BTBD3: variants seen among roughly 807,000 people sequenced by gnomAD.
BTBD3 encodes BTB/POZ domain-containing protein 3.
A neutral mutation model predicts 41.6 loss-of-function variants in BTBD3; 14 were observed. The ratio of observed to expected loss-of-function variants is 0.34; its 90% CI spans 0.22 to 0.53. The LOEUF is 0.53. BTBD3 is among the 20% of genes least tolerant of loss of function. BTBD3 has a pLI of 0.95. For synonymous variants in BTBD3, 249 were observed against 233.7 expected (o/e 1.07, Z -0.60); for missense variants, 426 against 654.7 (o/e 0.65, Z 3.81).
Position 11,918,591 on chromosome 20 carries a change from A to G in BTBD3, c.316A>G (p.Ile106Val). The change falls in exon 1 of 4, where the codon ATT becomes GTT. Residue 106 changes from isoleucine to valine, a missense_variant. By Grantham distance (29) the Ile-to-Val change is conservative. This residue lies in a region of BTBD3 where 321 missense variants were observed against 534.8 expected (regional missense o/e 0.60). Transcript: ENST00000378226. ...AAACTGGCAGGGTCTTTATCCCACCATTAGAGAGAGGTAAGTGCCGCGCTA... is the reference window on the plus strand; with the variant it reads ...AAACTGGCAGGGTCTTTATCCCACCGTTAGAGAGAGGTAAGTGCCGCGCTA... ...APNWQGLYPT[I>V]RERNAMMFNN... The G allele has an allele frequency of 1.3e-6, 2 of 1,595,994 alleles. No homozygotes were observed. Among genetic ancestry groups the G allele is most frequent in the Non-Finnish European group, 8.5e-7 (1 of 1,173,486 alleles).
Position 11,904,942 on chromosome 20 carries a change from T to C in BTBD3, c.-125-13392T>C, listed in dbSNP as rs150423867. Among the ~76,000 whole-genome samples the C allele has an allele frequency of 1.6e-3, 239 of 152,366 alleles. 1 individual carries two copies. The highest frequency in any genetic ancestry group is 0.01 in the Middle Eastern group (3 of 294). On this transcript the variant is annotated intron_variant, in intron 1 of 4. Coordinates refer to the BTBD3 transcript ENST00000254977. The stretch of plus-strand genomic sequence containing the variant: ...TCTTTTACCAATGCATGATTTTGTA[T>C]TGTAATTGCATTCTTATTAGAAAAG...
chr20:11,923,258 A>G lies in BTBD3; in HGVS notation c.1161A>G (p.Gln387=), dbSNP rs201543769. The part of the protein sequence containing the change: ...RFQSCAYRSN[Q]WRYRGRCDSI... The stretch of plus-strand genomic sequence containing the variant: ...AGTCGTGTGCCTATCGAAGCAACCA[A>G]TGGCGCTATCGTGGTCGCTGTGACA... The change falls in exon 4 of 4, where the codon CAA becomes CAG. Residue 387 remains glutamine, a synonymous_variant. Coordinates refer to ENST00000378226, the MANE Select transcript of BTBD3 (RefSeq NM_014962.4). The surrounding 1 kb of genome is among the most constrained non-coding windows in gnomAD (Gnocchi z 5.3). The G allele has an allele frequency of 1.2e-4, 199 of 1,614,202 alleles. No individual in the cohort carries two copies. Among genetic ancestry groups the G allele is most frequent in the Non-Finnish European group, 1.5e-4 (177 of 1,180,026 alleles).
intron 1 of BTBD3, among the ~76,000 whole-genome samples, chr20:11,899,299 G>GT: frequency 6.6e-6 from 1 of 152,182 alleles, no homozygotes; most frequent in Admixed American, 6.5e-5. Flanking sequence ...TTTACCTTCT[G>GT]TTTTCCAGAC....
At chr20:11,899,436 C>T (rs906529150) in intron 1 of BTBD3, among the ~76,000 whole-genome samples, 8 of 152,100 alleles carry the variant, frequency 5.3e-5, no homozygotes, top group African/African-American at 1.4e-4. Flanking sequence ...CCCCTCTAGT[C>T]GTCACACAAA....
chr20:11,910,769 A>G (rs1451897172), intron 1 of BTBD3, among the ~76,000 whole-genome samples: 1 of 152,164 alleles, frequency 6.6e-6, no homozygotes, highest in Non-Finnish European at 1.5e-5. Flanking sequence ...TTTATGTACA[A>G]TTGTGTGGCA....
At position 11,918,290 on chromosome 20, in the gene BTBD3, G is replaced by A; in HGVS notation, c.15G>A (p.Lys5=). 6.3e-7 allele frequency: 1 copy of A among 1,589,432 alleles called. No individual in the cohort carries two copies. The highest frequency in any genetic ancestry group is 8.5e-7 in the Non-Finnish European group (1 of 1,171,162). The change falls in exon 1 of 4, where the codon AAG becomes AAA. Residue 5 remains lysine (K), a synonymous_variant. Coordinates refer to ENST00000378226, the MANE Select transcript of BTBD3 (RefSeq NM_014962.4). ...ACACTGTACTCATGGTAGATGACAA[G>A]GAAAAGAACATGAAATGTCTCACCT... is the stretch of plus-strand genomic sequence containing the variant. MVDD[K]EKNMKCLTFF...
At chr20:11,899,875 T>A (rs945524383) in intron 1 of BTBD3, among the ~76,000 whole-genome samples, 12 of 152,216 alleles carry the variant, frequency 7.9e-5, no homozygotes, top group African/African-American at 2.9e-4. Context: ...TTTATGCAAC[T>A]GAAGAATACA....
chr20:11,901,460 G>C (rs2056823361), intron 1 of BTBD3, among the ~76,000 whole-genome samples: 1 of 152,208 alleles, frequency 6.6e-6, no homozygotes, highest in Non-Finnish European at 1.5e-5. Flanking sequence ...TGCAGTCGCA[G>C]TCAGTCTCTC....
At position 11,923,279 on chromosome 20, in the gene BTBD3, T is replaced by C. The variant is rs2122338525; in HGVS notation, c.1182T>C (p.Cys394=). 1 of 1,614,244 alleles carries C rather than the reference T, an allele frequency of 6.2e-7. No homozygotes were observed. The highest frequency in any genetic ancestry group is 1.3e-5 in the African/African-American group (1 of 75,066). ...RSNQWRYRGR[C]DSIQFAVDKR... ...ACCAATGGCGCTATCGTGGTCGCTGTGACAGCATCCAGTTTGCAGTTGATA... is the reference window on the plus strand; with the variant it reads ...ACCAATGGCGCTATCGTGGTCGCTGCGACAGCATCCAGTTTGCAGTTGATA... Residue 394 remains cysteine (C), a synonymous_variant, in exon 4 of 4, where the codon TGT becomes TGC. Coordinates refer to ENST00000378226, the MANE Select transcript of BTBD3 (RefSeq NM_014962.4). This position sits in a 1 kb window ranked among gnomAD's most constrained non-coding sequence, Gnocchi z 5.3.
In BTBD3 at chr20:11,925,773, T is replaced by C. The variant is rs1158623447; in HGVS notation, c.*2107T>C. 1.3e-5 allele frequency: 2 copies of C among 152,594 alleles called. No individual in the cohort carries two copies. Among genetic ancestry groups the C allele is most frequent in the African/African-American group, 2.4e-5 (1 of 41,428 alleles). 9.5% of individuals were successfully genotyped at this position (152,594 alleles called of 1,614,324 possible). ...CATCCTATCAGATTGTTGAGGTGGG[T>C]GTGATAGTCTTCAGGTGCAGTGCGT... is the stretch of plus-strand genomic sequence containing the variant. On this transcript the variant is annotated 3_prime_UTR_variant, in exon 4 of 4. Coordinates refer to ENST00000378226, the MANE Select transcript of BTBD3 (RefSeq NM_014962.4).
chr20:11,917,874 A>ACTCTCCT (rs1164408060), upstream of BTBD3: 4 of 986,822 alleles, frequency 4.1e-6, no homozygotes, highest in Admixed American at 1.1e-4. Flanking sequence ...TGTAATACCT[A>ACTCTCCT]CTCTCCTCCG....
chr20:11,902,164 C>T (rs1339257866), intron 1 of BTBD3, among the ~76,000 whole-genome samples: 2 of 151,494 alleles, frequency 1.3e-5, no homozygotes, highest in African/African-American at 2.4e-5. Context: ...AGTCAGTAAA[C>T]GCATATTTTG....
chr20:11,894,490 C>A (rs2056774452), intron 1 of BTBD3, among the ~76,000 whole-genome samples: 2 of 151,946 alleles, frequency 1.3e-5, no homozygotes, highest in Admixed American at 1.3e-4. Flanking sequence ...TTTTTGGTAG[C>A]TATTGAAATT....
chr20:11,911,694 G>C (rs2056890531), intron 1 of BTBD3, among the ~76,000 whole-genome samples: 1 of 152,236 alleles, frequency 6.6e-6, no homozygotes, highest in East Asian at 1.9e-4. Context: ...TCTAGAGTAT[G>C]TAAAACTTAG....
chr20:11,893,767 T>G (rs1410361704), intron 1 of BTBD3, among the ~76,000 whole-genome samples: 1 of 152,186 alleles, frequency 6.6e-6, no homozygotes, highest in African/African-American at 2.4e-5. Context: ...CGTCATATCA[T>G]CTAAAAAGAA....
chr20:11,918,222 T>G lies in BTBD3; in HGVS notation c.-54T>G. On this transcript the variant is annotated 5_prime_UTR_variant, in exon 1 of 4. Coordinates refer to ENST00000378226, the MANE Select transcript of BTBD3 (RefSeq NM_014962.4). The stretch of plus-strand genomic sequence containing the variant: ...TTAGCCCGGGCTAATCTCTTTTCCT[T>G]GATGTTCAAACCAATTTGGGATATC... The G allele has an allele frequency of 6.6e-7, 1 of 1,508,272 alleles. No individual in the cohort carries two copies. The allele number at this position is 1,508,272 out of a possible 1,614,324, so 93.4% of individuals were successfully genotyped here. A position where few individuals can be genotyped will look rare whatever the true frequency, so the allele number is the denominator to read the frequency against.
At position 11,923,225 on chromosome 20, in the gene BTBD3, C is replaced by T; in HGVS notation, c.1128C>T (p.His376=). ...AGGGCCTTGTCCCCCAGCGCTGTCA[C>T]CGTTTCCAGTCGTGTGCCTATCGAA... ...ARKGLVPQRC[H]RFQSCAYRSN... is the part of the protein sequence containing the mutation. Residue 376 remains histidine, a synonymous_variant, in exon 4 of 4, where the codon CAC becomes CAT. Coordinates refer to ENST00000378226, the MANE Select transcript of BTBD3 (RefSeq NM_014962.4). This position sits in a 1 kb window ranked among gnomAD's most constrained non-coding sequence, Gnocchi z 5.3. The T allele has an allele frequency of 6.2e-7, 1 of 1,614,236 alleles. No individual in the cohort carries two copies. Among genetic ancestry groups the T allele is most frequent in the Non-Finnish European group, 8.5e-7 (1 of 1,180,048 alleles).
chr20:11,904,722 TCAAA>T (rs1220439764), intron 1 of BTBD3, among the ~76,000 whole-genome samples: 6 of 152,202 alleles, frequency 3.9e-5, no homozygotes, highest in Admixed American at 6.5e-5. Flanking sequence ...AAATCTGGCC[TCAAA>T]CAGATGTATA....
chr20:11,902,374 C>A (rs1050551713), intron 1 of BTBD3, among the ~76,000 whole-genome samples: 4 of 152,164 alleles, frequency 2.6e-5, no homozygotes, highest in African/African-American at 2.4e-5. Context: ...ATCTACAGTA[C>A]ATATCAAGCA....
Sources: allele counts gnomAD v4.1 joint callset (sites outside exome capture counted in the v4.1 genomes callset), GRCh38; gene constraint gnomAD v4.1.1; regional missense constraint gnomAD v4.1.1; non-coding constraint Gnocchi (gnomAD v3.1); transcripts MANE v1.5; gene names NCBI Gene and HGNC (gene_info 2026-07-23, HGNC 2026-07-21).